OTOGL: variants seen among roughly 807,000 people sequenced by gnomAD.
The protein encoded by OTOGL is otogelin-like protein.
In OTOGL, 285 loss-of-function variants were observed where a neutral mutation model predicts 318.5. The ratio of observed to expected loss-of-function variants is 0.89; its 90% confidence interval spans 0.81 to 0.99. OTOGL has a LOEUF of 0.99. Among genes scored for constraint, OTOGL ranks in the 50% least tolerant of loss-of-function variants. OTOGL has a pLI of 0.00. For synonymous variants in OTOGL, 987 were observed against 936.5 expected (o/e 1.05, Z -0.99); for missense variants, 2,899 against 2,845.6 (o/e 1.02, Z -0.43).
chr12:80,291,959 C>T (rs1270319075), intron 26 of OTOGL, among the ~76,000 whole-genome samples: 1 of 151,822 alleles, frequency 6.6e-6, no homozygotes, highest in African/African-American at 2.4e-5. Context: ...ATTTTCTTTT[C>T]TTTTTTTTCT....
At chr12:80,357,116 A>G (rs1173371970) in intron 49 of OTOGL, among the ~76,000 whole-genome samples, 2 of 152,196 alleles carry the variant, frequency 1.3e-5, no homozygotes, top group Non-Finnish European at 2.9e-5. Context: ...CATCAACAAA[A>G]ACTACATACA....
intron 37 of OTOGL, among the ~76,000 whole-genome samples, chr12:80,332,751 C>T (rs1417142283): frequency 6.6e-6 from 1 of 152,162 alleles, no homozygotes; most frequent in Non-Finnish European, 1.5e-5. Flanking sequence ...TGATTAAAAG[C>T]CAAATTTCTG....
intron 1 of OTOGL, among the ~76,000 whole-genome samples, chr12:80,155,481 G>T (rs1047418841): frequency 2.0e-5 from 3 of 151,952 alleles, no homozygotes; most frequent in African/African-American, 7.3e-5. Context: ...TAATTTTTGT[G>T]GGTACATGGT....
chr12:80,246,315 T>G (rs906271602), intron 11 of OTOGL, among the ~76,000 whole-genome samples: 2 of 147,470 alleles, frequency 1.4e-5, no homozygotes, highest in Non-Finnish European at 2.9e-5. Context: ...TAGATAGCTC[T>G]TATTATTTTG....
At chr12:80,162,286 T>C (rs1204608129) in intron 1 of OTOGL, among the ~76,000 whole-genome samples, 1 of 152,186 alleles carries the variant, frequency 6.6e-6, no homozygotes, top group Non-Finnish European at 1.5e-5. Context: ...TGCAGTATCA[T>C]AGAAACAGAT....
In OTOGL at chr12:80,234,081, GGT is replaced by G. The variant is rs111425243; in HGVS notation, c.817+985_817+986del. ...TTTTCTTTTCTTCTGTTCAAGATGA[GGT>G]CTTGCTATTTCTTTTCATTAAGATG... On this transcript the variant is annotated intron_variant, in intron 9 of 58. Transcript: ENST00000547103. Among the ~76,000 whole-genome samples, 1,077 of 151,978 alleles carry G rather than the reference GGT, an allele frequency of 7.1e-3. 15 individuals are homozygous for G. The highest frequency in any genetic ancestry group is 0.025 in the African/African-American group (1,028 of 41,422).
rs928490155 is a variant in OTOGL, at chr12:80,239,359, G to A, written c.972G>A (p.Leu324=). 3 of 1,609,774 alleles carry A rather than the reference G, an allele frequency of 1.9e-6. No homozygotes were observed. The highest frequency in any genetic ancestry group is 1.3e-5 in the African/African-American group (1 of 74,862). ...CAATCTTCTTCAAGTGTCAGATACTGTTGCAGTTTCCTTTTCTGAGCTGCC... is the reference window on the plus strand; with the variant it reads ...CAATCTTCTTCAAGTGTCAGATACTATTGCAGTTTCCTTTTCTGAGCTGCC... ...FEAIFFKCQI[L]LQFPFLSCHE... Residue 324 remains leucine, a synonymous_variant, in exon 11 of 59, where the codon CTG becomes CTA. Transcript: ENST00000547103.
intron 1 of OTOGL, among the ~76,000 whole-genome samples, chr12:80,142,283 A>G (rs1331224697): frequency 6.6e-6 from 1 of 152,178 alleles, no homozygotes; most frequent in African/African-American, 2.4e-5. Context: ...TGGATTAGCT[A>G]AATTTCAAGC....
intron 52 of OTOGL, 29 bp from the exon 53 acceptor site, chr12:80,366,543 ATG>A (rs1890553237): frequency 1.6e-6 from 1 of 612,358 alleles, no homozygotes; most frequent in Admixed American, 3.9e-5. Context: ...AATAAGCTAA[ATG>A]ATAAGTAATA....
Position 80,352,317 on chromosome 12 carries a change from A to C in OTOGL, c.5288A>C (p.Glu1763Ala). The C allele has an allele frequency of 1.2e-6, 2 of 1,608,804 alleles. No individual in the cohort carries two copies. Among genetic ancestry groups the C allele is most frequent in the Middle Eastern group, 1.7e-4 (1 of 6,032 alleles). The change falls in exon 45 of 59, where the codon GAA (glutamate) becomes GCA (alanine). Residue 1763 changes from glutamate (E) to alanine (A), a missense_variant. Physicochemically the swap from Glu to Ala is moderately radical, Grantham distance 107. This residue lies in a region of OTOGL where 2,607 missense variants were observed against 2,524.9 expected (regional missense o/e 1.03). Coordinates refer to ENST00000547103, the MANE Select transcript of OTOGL (RefSeq NM_001378609.3). Reference sequence around the variant, plus strand: ...TAGGTTTCACCGGAAGACTTTTGTGAAAAGATGTGGATCAATTATACCTAT... The same window carrying C: ...TAGGTTTCACCGGAAGACTTTTGTGCAAAGATGTGGATCAATTATACCTAT... Reference protein sequence around the residue: ...HDKVSPEDFCEKMWINYTYFW... With the variant: ...HDKVSPEDFCAKMWINYTYFW...
At chr12:80,203,620 A>C (rs1342784502) in intron 1 of OTOGL, among the ~76,000 whole-genome samples, 4 of 152,192 alleles carry the variant, frequency 2.6e-5, no homozygotes, top group Non-Finnish European at 2.9e-5. Context: ...TACCAAAATT[A>C]AATAACACAT....
At chr12:80,248,677 T>C (rs1287455425) in intron 11 of OTOGL, among the ~76,000 whole-genome samples, 2 of 139,810 alleles carry the variant, frequency 1.4e-5, no homozygotes, top group Non-Finnish European at 3.1e-5. Flanking sequence ...ATCTTTGTGG[T>C]GTTCTCTGTA....
At chr12:80,228,405 G>A (rs1470966191) in intron 7 of OTOGL, among the ~76,000 whole-genome samples, 1 of 152,014 alleles carries the variant, frequency 6.6e-6, no homozygotes, top group African/African-American at 2.4e-5. Flanking sequence ...TCACACCACT[G>A]CACTCCAGCG....
At position 80,147,266 on chromosome 12, in the gene OTOGL, G is replaced by A. The variant is rs541860540; in HGVS notation, c.-20+47661G>A. ...TCTGGTATGTTGTGTCTTTGTTCTC[G>A]TTGGTTTCAAAGAACATCTTTATTT... On this transcript the variant is annotated intron_variant, in intron 1 of 58. Transcript: ENST00000547103. Among the ~76,000 whole-genome samples the A allele has an allele frequency of 5.7e-3, 844 of 147,432 alleles. 30 individuals are homozygous for A. Among genetic ancestry groups the A allele is most frequent in the Middle Eastern group, 3.5e-3 (1 of 288 alleles).
At chr12:80,132,937 G>A (rs1024408064) in intron 1 of OTOGL, 10 of 152,150 alleles carry the variant, frequency 6.6e-5, no homozygotes, top group Non-Finnish European at 1.3e-4. Flanking sequence ...GAGTTGGGAA[G>A]GGCAAGATGA....
intron 8 of OTOGL, 100 bp downstream of exon 8, chr12:80,229,478 G>T: frequency 2.2e-6 from 3 of 1,385,028 alleles, no homozygotes; most frequent in South Asian, 1.3e-5. Context: ...AGGAAGAGAG[G>T]ATTTCTTCAA....
intron 35 of OTOGL, among the ~76,000 whole-genome samples, chr12:80,327,958 C>CAAAAAAAAAAAA (rs397687373): frequency 6.5e-5 from 2 of 30,926 alleles, no homozygotes; most frequent in African/African-American, 3.7e-4. Flanking sequence ...GACTCTGTCT[C>CAAAAAAAAAAAA]AAAAAAAAAA....
intron 24 of OTOGL, among the ~76,000 whole-genome samples, chr12:80,273,490 C>T (rs971275994): frequency 7.9e-5 from 12 of 152,084 alleles, no homozygotes; most frequent in African/African-American, 2.4e-4. Flanking sequence ...CCTTATAAGC[C>T]GAAGTACCTC....
chr12:80,170,262 G>GT (rs1457153441), intron 1 of OTOGL, among the ~76,000 whole-genome samples: 1 of 150,256 alleles, frequency 6.7e-6, no homozygotes, highest in Non-Finnish European at 1.5e-5. Context: ...TATGTGTGTT[G>GT]TTTTTTAGCT....
Sources: gnomAD v4.1 joint callset for allele counts (sites outside exome capture counted in the v4.1 genomes callset) on GRCh38, gnomAD v4.1.1 for gene constraint, gnomAD v4.1.1 regional missense constraint, MANE v1.5 for transcripts, NCBI Gene and HGNC (gene_info 2026-07-23, HGNC 2026-07-21) for gene names.